ARHGEF28: variants seen among roughly 807,000 people sequenced by gnomAD.
ARHGEF28 encodes the protein 190 kDa guanine nucleotide exchange factor.
A neutral mutation model predicts 206.6 loss-of-function variants in ARHGEF28; 152 were observed. The observed-to-expected ratio is 0.74, with a 90% CI of 0.64 to 0.84. ARHGEF28 has a LOEUF of 0.84. Among genes scored for constraint, ARHGEF28 ranks in the 40% least tolerant of loss-of-function variants. The pLI, the probability that ARHGEF28 is intolerant of heterozygous loss-of-function variation, is 0.00. For synonymous variants in ARHGEF28, 763 were observed against 776.4 expected (o/e 0.98, Z 0.29); for missense variants, 2,028 against 2,073.2 (o/e 0.98, Z 0.42).
intron 2 of ARHGEF28, among the ~76,000 whole-genome samples, chr5:73,685,918 G>T (rs954508152): frequency 6.6e-6 from 1 of 152,158 alleles, no homozygotes; most frequent in Non-Finnish European, 1.5e-5. Flanking sequence ...ACCACACCCG[G>T]CTGGAATTGG....
chr5:73,638,121 AT>A (rs927365330), intron 1 of ARHGEF28, among the ~76,000 whole-genome samples: 6 of 152,192 alleles, frequency 3.9e-5, no homozygotes, highest in Non-Finnish European at 8.8e-5. Flanking sequence ...TAAAACTATT[AT>A]TTTTTGAACA....
At chr5:73,743,191 CAGTATT>C (rs1751538715) in intron 2 of ARHGEF28, among the ~76,000 whole-genome samples, 1 of 152,172 alleles carries the variant, frequency 6.6e-6, no homozygotes, top group African/African-American at 2.4e-5. Flanking sequence ...TGAATTCTCT[CAGTATT>C]AGTCTTAAAC....
chr5:73,630,934 T>C (rs1743328682), intron 1 of ARHGEF28, among the ~76,000 whole-genome samples: 1 of 152,248 alleles, frequency 6.6e-6, no homozygotes, highest in African/African-American at 2.4e-5. Context: ...GAGCTGTCAC[T>C]CTTATTCCTT....
In ARHGEF28 at chr5:73,812,753, T is replaced by C. The variant is rs538421434; in HGVS notation, c.1024+17362T>C. On this transcript the variant is annotated intron_variant, in intron 9 of 35. Coordinates refer to ENST00000513042, the MANE Select transcript of ARHGEF28 (RefSeq NM_001177693.2). ...GTGGACTGAAAGTTTAGATCGGAGCTATAAAGGCACCAAAATCCTGATGAT... is the reference window on the plus strand; with the variant it reads ...GTGGACTGAAAGTTTAGATCGGAGCCATAAAGGCACCAAAATCCTGATGAT... Among the ~76,000 whole-genome samples, 8 of 152,254 alleles carry C rather than the reference T, an allele frequency of 5.3e-5. No homozygotes were observed. The South Asian group carries it at 1.7e-3, about 32-fold the overall frequency.
intron 3 of ARHGEF28, among the ~76,000 whole-genome samples, chr5:73,752,093 C>T (rs1752043954): frequency 6.6e-6 from 1 of 152,176 alleles, no homozygotes; most frequent in African/African-American, 2.4e-5. Context: ...CCAGTGGTAG[C>T]TGAATAACTC....
At chr5:73,748,334 G>A (rs1034138980) in intron 2 of ARHGEF28, among the ~76,000 whole-genome samples, 1 of 144,466 alleles carries the variant, frequency 6.9e-6, no homozygotes, top group Non-Finnish European at 1.6e-5. Context: ...ATTCAAAACT[G>A]CCAACCAGTG....
At chr5:73,899,983 T>A (rs982206504) in intron 30 of ARHGEF28, 1 of 152,242 alleles carries the variant, frequency 6.6e-6, no homozygotes, top group African/African-American at 2.4e-5. Context: ...GGCCACTCTT[T>A]AAGAGTTAGG....
At chr5:73,830,274 C>T (rs1214505473) in intron 9 of ARHGEF28, among the ~76,000 whole-genome samples, 2 of 152,136 alleles carry the variant, frequency 1.3e-5, no homozygotes, top group East Asian at 1.9e-4. Flanking sequence ...TGTAGACTGG[C>T]CGGGCGTGGT....
At position 73,914,084 on chromosome 5, in the gene ARHGEF28, C is replaced by T. The variant is rs74609338; in HGVS notation, c.4948+2509C>T. On this transcript the variant is annotated intron_variant, in intron 35 of 35. Transcript: ENST00000513042. Reference sequence around the variant, plus strand: ...TCTGTTGGTTTTTTCAGTACAGCCTCAGCAGACATTTTTGTGCTCTAATTG... The same window carrying T: ...TCTGTTGGTTTTTTCAGTACAGCCTTAGCAGACATTTTTGTGCTCTAATTG... Among the ~76,000 whole-genome samples, 1,105 of 152,268 alleles carry T rather than the reference C, an allele frequency of 7.3e-3. 22 individuals are homozygous for T. The highest frequency in any genetic ancestry group is 0.031 in the Admixed American group (469 of 15,296).
At chr5:73,818,062 G>A (rs549770816) in intron 9 of ARHGEF28, among the ~76,000 whole-genome samples, 1 of 152,156 alleles carries the variant, frequency 6.6e-6, no homozygotes, top group Non-Finnish European at 1.5e-5. Flanking sequence ...AGCACAGGGT[G>A]GTTGGCTTAG....
intron 24 of ARHGEF28, 53 bp downstream of exon 24, chr5:73,883,937 C>T: frequency 8.7e-7 from 1 of 1,148,816 alleles, no homozygotes; most frequent in Non-Finnish European, 1.2e-6. Context: ...GTTTTAAACA[C>T]AGTTGAGGTG....
intron 35 of ARHGEF28, among the ~76,000 whole-genome samples, chr5:73,933,512 C>T (rs750350184): frequency 1.1e-4 from 16 of 152,114 alleles, no homozygotes; most frequent in Non-Finnish European, 2.2e-4. Flanking sequence ...ATTTATTGCC[C>T]CAGTGTTCCA....
At chr5:73,674,038 G>T (rs1746506487) in intron 1 of ARHGEF28, among the ~76,000 whole-genome samples, 1 of 151,542 alleles carries the variant, frequency 6.6e-6, no homozygotes, top group African/African-American at 2.4e-5. Flanking sequence ...GGGTGTGGTG[G>T]TATGCTCCTG....
chr5:73,705,093 G>A (rs949322402), intron 2 of ARHGEF28, among the ~76,000 whole-genome samples: 2 of 152,162 alleles, frequency 1.3e-5, no homozygotes, highest in African/African-American at 2.4e-5. Context: ...TTAGAACTAT[G>A]ATATTTCTAC....
At chr5:73,826,871 G>A (rs532055348) in intron 9 of ARHGEF28, among the ~76,000 whole-genome samples, 1 of 152,268 alleles carries the variant, frequency 6.6e-6, no homozygotes, top group East Asian at 1.9e-4. Flanking sequence ...AGCCCTTGTG[G>A]AGTCACCTAG....
At chr5:73,794,965 C>A (rs1754717404) in intron 8 of ARHGEF28, among the ~76,000 whole-genome samples, 1 of 152,174 alleles carries the variant, frequency 6.6e-6, no homozygotes, top group Admixed American at 6.5e-5. Flanking sequence ...AGCTATCTTT[C>A]TGAGTTGTAG....
intron 4 of ARHGEF28, among the ~76,000 whole-genome samples, chr5:73,759,111 A>G (rs1382652595): frequency 1.3e-5 from 2 of 151,532 alleles, no homozygotes; most frequent in Admixed American, 6.6e-5. Flanking sequence ...GCTGTCCCCA[A>G]AGAAAACCAA....
rs758154747 is a variant in ARHGEF28, at chr5:73,901,220, C to T, written c.4010C>T (p.Ser1337Leu). 80 of 1,613,022 alleles carry T rather than the reference C, an allele frequency of 5.0e-5. No individual in the cohort carries two copies. The highest frequency in any genetic ancestry group is 6.0e-5 in the Non-Finnish European group (71 of 1,179,562). ...GGAGGGAGAGAAGGAAGAGGCTGTT[C>T]GGATGTGGATCCCGGGATCCAGGGT... is the stretch of plus-strand genomic sequence containing the variant. ...VTGGREGRGC[S>L]DVDPGIQGVV... The change falls in exon 31 of 36, where the codon TCG (serine) becomes TTG (leucine). Residue 1337 changes from serine to leucine, a missense_variant. Physicochemically the swap from Ser to Leu is moderately radical, Grantham distance 145. Coordinates refer to ENST00000513042, the MANE Select transcript of ARHGEF28 (RefSeq NM_001177693.2).
chr5:73,722,703 G>A (rs1193303895), intron 2 of ARHGEF28, among the ~76,000 whole-genome samples: 1 of 152,182 alleles, frequency 6.6e-6, no homozygotes, highest in African/African-American at 2.4e-5. Flanking sequence ...ATGAGAAACA[G>A]GCAGATAGAT....
Sources: allele counts gnomAD v4.1 joint callset (sites outside exome capture counted in the v4.1 genomes callset), GRCh38; gene constraint gnomAD v4.1.1; transcripts MANE v1.5; gene names NCBI Gene and HGNC (gene_info 2026-07-23, HGNC 2026-07-21).